ARSB: variants seen among roughly 807,000 people sequenced by gnomAD.
The protein encoded by ARSB is arylsulfatase B.
Under a neutral mutation model 50.9 loss-of-function variants are expected in ARSB, and 41 were observed. That is an observed-to-expected ratio of 0.81 (90% confidence interval 0.63 to 1.04). The LOEUF is 1.04. Ranked by LOEUF, ARSB falls within the 50% of genes least tolerant of loss-of-function variation. The probability of loss-of-function intolerance (pLI) is 0.00; values close to 1 mark genes in which losing one functional copy is unlikely to be tolerated. For missense variants in ARSB, 672 were observed against 693.3 expected, an observed-to-expected ratio of 0.97 and a Z score of 0.35; for synonymous variants, 269 against 284.8, an observed-to-expected ratio of 0.94 and a Z score of 0.56.
intron 5 of ARSB, among the ~76,000 whole-genome samples, chr5:78,844,696 T>C (rs1745367350): frequency 6.6e-6 from 1 of 152,184 alleles, no homozygotes; most frequent in Admixed American, 6.5e-5. Flanking sequence ...TTTAAGTTAA[T>C]TTTTGTGTAT....
intron 4 of ARSB, among the ~76,000 whole-genome samples, chr5:78,929,412 G>C (rs879717506): frequency 7.9e-5 from 12 of 152,200 alleles, no homozygotes; most frequent in Middle Eastern, 3.4e-3. Context: ...ACACTTGCCT[G>C]ACCCCCTCTT....
chr5:78,867,605 G>C (rs1029585688), intron 5 of ARSB, among the ~76,000 whole-genome samples: 6 of 152,078 alleles, frequency 3.9e-5, no homozygotes, highest in Admixed American at 6.6e-5. Context: ...GCAGCTGAGG[G>C]TCCTGTCTGT....
In ARSB at chr5:78,955,212, C is replaced by T. The variant is rs763681766; in HGVS notation, c.898+83G>A. 319 of 1,386,612 alleles carry T rather than the reference C, an allele frequency of 2.3e-4. 1 individual carries two copies. Among genetic ancestry groups the T allele is most frequent in the Middle Eastern group, 3.6e-4 (2 of 5,614 alleles). The allele number at this position is 1,386,612 out of a possible 1,614,324, so 85.9% of individuals were successfully genotyped here. ...TTTATTTTAATAAGGCAATGCTAAC[C>T]GCTCCAATTTGTCTTCATTCCACTT... On this transcript the variant is annotated intron_variant, in intron 4 of 7. Coordinates refer to ENST00000264914, the MANE Select transcript of ARSB (RefSeq NM_000046.5).
chr5:78,866,329 A>G (rs1173922975), intron 5 of ARSB, among the ~76,000 whole-genome samples: 2 of 152,104 alleles, frequency 1.3e-5, no homozygotes, highest in Admixed American at 1.3e-4. Context: ...TTACCATCAG[A>G]TCTTGTGAGC....
intron 4 of ARSB, among the ~76,000 whole-genome samples, chr5:78,901,562 A>G (rs890365921): frequency 1.3e-5 from 2 of 151,876 alleles, no homozygotes; most frequent in Non-Finnish European, 1.5e-5. Context: ...TTTTTCAAAA[A>G]AAAATAATGC....
chr5:78,950,458 T>G (rs1000263594), intron 4 of ARSB, among the ~76,000 whole-genome samples: 2 of 152,146 alleles, frequency 1.3e-5, no homozygotes, highest in African/African-American at 4.8e-5. Flanking sequence ...TATTACCTCC[T>G]CTACTTCTGT....
At chr5:78,902,904 A>G (rs1580028656) in intron 4 of ARSB, among the ~76,000 whole-genome samples, 2 of 152,346 alleles carry the variant, frequency 1.3e-5, no homozygotes, top group East Asian at 3.9e-4. Context: ...CTTTAAAAGG[A>G]TGAATTTCAT....
chr5:78,785,854 T>C (rs1749065898), intron 6 of ARSB, among the ~76,000 whole-genome samples: 5 of 152,226 alleles, frequency 3.3e-5, no homozygotes, highest in Non-Finnish European at 7.3e-5. Flanking sequence ...CATGAGTTCA[T>C]AAATGCAAGG....
intron 5 of ARSB, chr5:78,883,114 T>G (rs1008271083): frequency 6.6e-6 from 1 of 152,192 alleles, no homozygotes; most frequent in Admixed American, 6.5e-5. Context: ...GTTTGCAAAT[T>G]ATCTACAATG....
intron 6 of ARSB, among the ~76,000 whole-genome samples, chr5:78,786,846 A>C (rs1749092179): frequency 6.6e-6 from 1 of 152,118 alleles, no homozygotes; most frequent in African/African-American, 2.4e-5. Flanking sequence ...GCCTCAAGCA[A>C]TCCTCTCACT....
At chr5:78,867,166 T>A (rs896888870) in intron 5 of ARSB, among the ~76,000 whole-genome samples, 1 of 152,102 alleles carries the variant, frequency 6.6e-6, no homozygotes, top group East Asian at 1.9e-4. Flanking sequence ...CGGAGGGTCC[T>A]ACACCCACGG....
chr5:78,872,108 A>G (rs1747222005), intron 5 of ARSB, among the ~76,000 whole-genome samples: 1 of 148,690 alleles, frequency 6.7e-6, no homozygotes, highest in Non-Finnish European at 1.5e-5. Context: ...AATCAAAACC[A>G]CTATGAGATA....
At chr5:78,861,306 C>CA (rs1012660616) in intron 5 of ARSB, among the ~76,000 whole-genome samples, 4 of 151,856 alleles carry the variant, frequency 2.6e-5, no homozygotes, top group Non-Finnish European at 4.4e-5. Flanking sequence ...AGAGACACAA[C>CA]AAAAAAAGAG....
rs1275811094 is a variant in ARSB at position 78,980,780 on chromosome 5, CT to C, written c.312+4156del. On this transcript the variant is annotated intron_variant, in intron 1 of 7. Transcript: ENST00000264914. ...TTTTGGTAGATTTTCACTGTAAGCCCTTTTGCAGCTTTTAAGTTTTTAAGCC... is the reference window on the plus strand; with the variant it reads ...TTTTGGTAGATTTTCACTGTAAGCCCTTTGCAGCTTTTAAGTTTTTAAGCC... Among the ~76,000 whole-genome samples the C allele has an allele frequency of 4.7e-5, 7 of 147,436 alleles. No individual in the cohort carries two copies. The South Asian group carries it at 1.3e-3, about 27-fold the overall frequency.
At chr5:78,956,270 G>A (rs772500432) in intron 3 of ARSB, among the ~76,000 whole-genome samples, 9 of 152,084 alleles carry the variant, frequency 5.9e-5, no homozygotes, top group Non-Finnish European at 1.3e-4. Context: ...AATCGTAAAA[G>A]TCCTCATATT....
At chr5:78,916,559 TAAAAAC>T (rs1376692813) in intron 4 of ARSB, among the ~76,000 whole-genome samples, 1 of 152,216 alleles carries the variant, frequency 6.6e-6, no homozygotes, top group African/African-American at 2.4e-5. Context: ...CTCTTATTGA[TAAAAAC>T]AGAAAGATAA....
chr5:78,865,299 C>T (rs1746667009), intron 5 of ARSB, among the ~76,000 whole-genome samples: 1 of 152,240 alleles, frequency 6.6e-6, no homozygotes, highest in African/African-American at 2.4e-5. Context: ...AGGCTCAACA[C>T]CACGTGGAAG....
At chr5:78,788,440 T>C (rs1359929301) in intron 6 of ARSB, among the ~76,000 whole-genome samples, 1 of 152,172 alleles carries the variant, frequency 6.6e-6, no homozygotes, top group Admixed American at 6.5e-5. Context: ...CCAAAGTAGG[T>C]TCTGGAAGTA....
intron 6 of ARSB, among the ~76,000 whole-genome samples, chr5:78,798,740 T>G (rs943892816): frequency 1.3e-5 from 2 of 152,212 alleles, no homozygotes; most frequent in East Asian, 3.8e-4. Flanking sequence ...CAGGTGGGCC[T>G]GCCCCCTCCG....
Sources: gnomAD v4.1 joint callset for allele counts (sites outside exome capture counted in the v4.1 genomes callset) on GRCh38, gnomAD v4.1.1 for gene constraint, MANE v1.5 for transcripts, NCBI Gene and HGNC (gene_info 2026-07-23, HGNC 2026-07-21) for gene names.